Variants in WDPCP observed in about 807,000 individuals in gnomAD.
WDPCP encodes the protein WD repeat-containing and planar cell polarity effector protein fritz homolog.
WDPCP carries 71 observed loss-of-function variants against 93.1 expected under a neutral mutation model. The ratio of observed to expected loss-of-function variants is 0.76; its 90% confidence interval spans 0.63 to 0.93. The LOEUF (loss-of-function observed/expected upper bound fraction) is 0.93. WDPCP is among the 40% of genes least tolerant of loss of function. The pLI is 0.00. For missense variants in WDPCP, 844 were observed against 887.4 expected, an observed-to-expected ratio of 0.95 and a Z score of 0.62; for synonymous variants, 315 against 315.0, an observed-to-expected ratio of 1.00 and a Z score of 0.00.
At chr2:63,682,262 T>G (rs893936833) in intron 2 of WDPCP, among the ~76,000 whole-genome samples, 1 of 152,176 alleles carries the variant, frequency 6.6e-6, no homozygotes, top group Non-Finnish European at 1.5e-5. Flanking sequence ...AATAGCTATT[T>G]TGGGGAAACT....
chr2:63,814,901 T>A (rs1000973417), intron 1 of WDPCP, among the ~76,000 whole-genome samples: 3 of 152,224 alleles, frequency 2.0e-5, no homozygotes, highest in Non-Finnish European at 2.9e-5. Context: ...GAGGTAGAAC[T>A]ATTACAACCA....
intron 2 of WDPCP, among the ~76,000 whole-genome samples, chr2:63,802,332 T>C (rs1670710264): frequency 7.5e-6 from 1 of 133,356 alleles, no homozygotes; most frequent in African/African-American, 2.7e-5. Flanking sequence ...GATTTATTAT[T>C]CTCAGCATGC....
intron 2 of WDPCP, chr2:63,752,197 CT>C (rs367803359): frequency 0.29 from 151,128 of 517,788 alleles, 7,815 homozygotes; most frequent in Middle Eastern, 0.36. Flanking sequence ...GACAAAGCTC[CT>C]TTTTTTTTTT....
At chr2:63,247,803 GTTTGT>G (rs1263716446) in intron 14 of WDPCP, among the ~76,000 whole-genome samples, 11 of 150,972 alleles carry the variant, frequency 7.3e-5, no homozygotes, top group Admixed American at 6.6e-4. Flanking sequence ...CTGTTTTTTT[GTTTGT>G]TTTGTTTTGT....
chr2:63,543,425 A>G (rs2106317695), intron 1 of WDPCP, among the ~76,000 whole-genome samples: 1 of 152,274 alleles, frequency 6.6e-6, no homozygotes. Context: ...TGTAACAGAA[A>G]CATTATTCAC....
At chr2:63,735,062 C>T (rs538024191) in intron 2 of WDPCP, among the ~76,000 whole-genome samples, 1 of 152,286 alleles carries the variant, frequency 6.6e-6, no homozygotes, top group South Asian at 2.1e-4. Context: ...AGAAGAATTA[C>T]TTACTATGTG....
In WDPCP at chr2:63,573,624, G is replaced by C. The variant is rs867810991; in HGVS notation, c.75+14573C>G. Among the ~76,000 whole-genome samples, 3 of 152,070 alleles carry C rather than the reference G, an allele frequency of 2.0e-5. No homozygotes were observed. The East Asian group carries it at 5.8e-4, about 29-fold the overall frequency. The stretch of plus-strand genomic sequence containing the variant: ...GATGATTGCGTTAACTGCACAAATT[G>C]TTTGTAGAGCATGTGTGTTTGAACA... On this transcript the variant is annotated intron_variant, in intron 1 of 17. Coordinates refer to ENST00000272321, the MANE Select transcript of WDPCP (RefSeq NM_015910.7).
intron 13 of WDPCP, among the ~76,000 whole-genome samples, chr2:63,268,654 A>AC (rs1682364615): frequency 6.7e-6 from 1 of 149,958 alleles, no homozygotes; most frequent in African/African-American, 2.5e-5. Context: ...TTTTGTTTTT[A>AC]TTTTTTTTTG....
intron 3 of WDPCP, among the ~76,000 whole-genome samples, chr2:63,634,781 C>T (rs918802771): frequency 6.6e-6 from 1 of 151,970 alleles, no homozygotes; most frequent in Non-Finnish European, 1.5e-5. Context: ...CATACCAAAA[C>T]TTATGGAATG....
intron 15 of WDPCP, among the ~76,000 whole-genome samples, chr2:63,170,910 C>CTTA (rs1673336451): frequency 6.6e-6 from 1 of 151,688 alleles, no homozygotes; most frequent in Admixed American, 6.6e-5. Context: ...GAAATAAACA[C>CTTA]TTAACACCTA....
In WDPCP at chr2:63,706,765, C is replaced by A. The variant is rs796626268; in HGVS notation, n.309-55927G>T. 2.0e-5 allele frequency among the ~76,000 whole-genome samples: 3 copies of A among 150,904 alleles called. No individual in the cohort carries two copies. In the South Asian group the frequency reaches 6.3e-4, roughly 32 times the overall value. ...CCGAGTAGCTGGGACTACAGGCGCC[C>A]GCCACCGCGCCCGGCTAATTTTTTG... On this transcript the variant is annotated intron_variant and non_coding_transcript_variant, in intron 2 of 4. Transcript: ENST00000467687.
intron 2 of WDPCP, among the ~76,000 whole-genome samples, chr2:63,740,000 A>G (rs1020105750): frequency 7.9e-5 from 12 of 152,024 alleles, no homozygotes; most frequent in African/African-American, 2.9e-4. Flanking sequence ...GTTCATTAAC[A>G]TTGTTATATA....
At chr2:63,325,066 C>G (rs1293193293) in intron 12 of WDPCP, among the ~76,000 whole-genome samples, 2 of 152,142 alleles carry the variant, frequency 1.3e-5, no homozygotes, top group African/African-American at 4.8e-5. Flanking sequence ...TAAACAAAAT[C>G]TGGAGGCATT....
chr2:63,276,877 A>G (rs2104902811), intron 13 of WDPCP, among the ~76,000 whole-genome samples: 1 of 152,302 alleles, frequency 6.6e-6, no homozygotes, highest in Admixed American at 6.5e-5. Context: ...AGCTCAAAGA[A>G]CACCTGGGAA....
At chr2:63,580,630 G>C (rs1473546814) in intron 1 of WDPCP, among the ~76,000 whole-genome samples, 2 of 152,116 alleles carry the variant, frequency 1.3e-5, no homozygotes, top group Non-Finnish European at 2.9e-5. Context: ...TGTCATGAAA[G>C]ACAAAGAGGG....
chr2:63,783,248 C>CAAAA (rs555079464), intron 2 of WDPCP, among the ~76,000 whole-genome samples: 46 of 140,406 alleles, frequency 3.3e-4, no homozygotes, highest in African/African-American at 1.2e-3. Context: ...TCTGTCTCTA[C>CAAAA]AAAAAAAAAA....
intron 14 of WDPCP, among the ~76,000 whole-genome samples, chr2:63,179,722 G>A (rs1674092514): frequency 6.6e-6 from 1 of 152,082 alleles, no homozygotes; most frequent in African/African-American, 2.4e-5. Flanking sequence ...TTTGTCTCAA[G>A]AGGCTTTCTA....
intron 13 of WDPCP, among the ~76,000 whole-genome samples, chr2:63,270,639 A>AGAAG (rs1383578009): frequency 2.0e-5 from 3 of 152,174 alleles, no homozygotes; most frequent in Non-Finnish European, 4.4e-5. Context: ...TCTGAGACAC[A>AGAAG]GAAGGAGAGG....
rs190713832 is a variant in WDPCP, at chr2:63,528,685, C to T, written c.76-35745G>A. On this transcript the variant is annotated intron_variant, in intron 1 of 17. Coordinates refer to ENST00000272321, the MANE Select transcript of WDPCP (RefSeq NM_015910.7). ...CTTTGTTCTTTTGGCTTAGGATTGACGTGGCAATGTGGGCTCTTTTTTGGT... is the reference window on the plus strand; with the variant it reads ...CTTTGTTCTTTTGGCTTAGGATTGATGTGGCAATGTGGGCTCTTTTTTGGT... Among the ~76,000 whole-genome samples, 756 of 152,178 alleles carry T rather than the reference C, an allele frequency of 5.0e-3. 4 individuals carry two copies. The highest frequency in any genetic ancestry group is 0.014 in the Middle Eastern group (4 of 294).
Sources: gnomAD v4.1 joint callset for allele counts (sites outside exome capture counted in the v4.1 genomes callset) on GRCh38, gnomAD v4.1.1 for gene constraint, MANE v1.5 for transcripts, NCBI Gene and HGNC (gene_info 2026-07-23, HGNC 2026-07-21) for gene names.